ZNF804A: variants seen among roughly 807,000 people sequenced by gnomAD.
ZNF804A encodes zinc finger protein 804A.
A neutral mutation model predicts 16.5 loss-of-function variants in ZNF804A; 2 were observed. The ratio of observed to expected loss-of-function variants is 0.12; its 90% CI spans 0.05 to 0.38. The LOEUF is 0.38. Ranked by LOEUF, ZNF804A falls within the 10% of genes least tolerant of loss-of-function variation. The pLI, the probability that ZNF804A is intolerant of heterozygous loss-of-function variation, is 0.99. For synonymous variants in ZNF804A, 534 were observed against 489.6 expected, an observed-to-expected ratio of 1.09 and a Z score of -1.20; for missense variants, 1,473 against 1,390.7, an observed-to-expected ratio of 1.06 and a Z score of -0.94.
At chr2:184,657,891 G>A (rs1031593382) in intron 1 of ZNF804A, among the ~76,000 whole-genome samples, 1 of 152,192 alleles carries the variant, frequency 6.6e-6, no homozygotes, top group African/African-American at 2.4e-5. Flanking sequence ...GATAATTGGA[G>A]TATGGAGAAC....
In ZNF804A at chr2:184,937,064, A is replaced by C; in HGVS notation, c.1668A>C (p.Arg556Ser). Residue 556 changes from arginine (R) to serine (S), a missense_variant, in exon 4 of 4, where the codon AGA (arginine) becomes AGC (serine). Coordinates refer to ENST00000302277, the MANE Select transcript of ZNF804A (RefSeq NM_194250.2). ...ATAAAAACATTTCCTGTAAGATCAG[A>C]GAAACAGAAAAGTATAATTTTACTA... ...QRYKNISCKI[R>S]ETEKYNFTKS... 6.2e-7 allele frequency: 1 copy of C among 1,603,298 alleles called. No homozygotes were observed.
intron 1 of ZNF804A, among the ~76,000 whole-genome samples, chr2:184,702,592 C>A (rs1692937740): frequency 6.6e-6 from 1 of 151,906 alleles, no homozygotes; most frequent in African/African-American, 2.4e-5. Flanking sequence ...TTTTAACTAC[C>A]ACCTTGAAAC....
intron 1 of ZNF804A, among the ~76,000 whole-genome samples, chr2:184,719,842 CT>C (rs1374999221): frequency 1.3e-5 from 2 of 152,186 alleles, no homozygotes; most frequent in African/African-American, 4.8e-5. Context: ...TCTTCTGAGC[CT>C]TCCAAAATGT....
intron 2 of ZNF804A, among the ~76,000 whole-genome samples, chr2:184,903,084 A>T (rs1027529108): frequency 1.3e-5 from 2 of 152,144 alleles, no homozygotes; most frequent in Admixed American, 1.3e-4. Flanking sequence ...TTGTCTCAGT[A>T]ACACAGTAGA....
chr2:184,624,074 T>A (rs1691459081), intron 1 of ZNF804A, among the ~76,000 whole-genome samples: 1 of 152,184 alleles, frequency 6.6e-6, no homozygotes, highest in South Asian at 2.1e-4. Context: ...TCATAATTGA[T>A]TGACAAGGAT....
chr2:184,929,112 C>G (rs187665044), intron 2 of ZNF804A, among the ~76,000 whole-genome samples: 55 of 152,268 alleles, frequency 3.6e-4, no homozygotes, highest in African/African-American at 1.3e-3. Flanking sequence ...ATTCTACCAT[C>G]TAGCCTCTCC....
At chr2:184,610,501 G>A (rs1026026550) in intron 1 of ZNF804A, among the ~76,000 whole-genome samples, 1 of 151,908 alleles carries the variant, frequency 6.6e-6, no homozygotes, top group Non-Finnish European at 1.5e-5. Context: ...TGAGAAGTGT[G>A]TAGTGATTTT....
At chr2:184,642,831 A>G (rs1691814052) in intron 1 of ZNF804A, among the ~76,000 whole-genome samples, 1 of 152,196 alleles carries the variant, frequency 6.6e-6, no homozygotes, top group Admixed American at 6.5e-5. Context: ...GTATTCTAAT[A>G]AAGCTAGATT....
chr2:184,735,778 T>C (rs1693597953), intron 1 of ZNF804A, among the ~76,000 whole-genome samples: 1 of 152,184 alleles, frequency 6.6e-6, no homozygotes. Flanking sequence ...TTCATAGTTT[T>C]TATTCTTCAA....
rs1694398162 is a variant in ZNF804A at position 184,783,148 on chromosome 2, T to TTG, written c.112-83220_112-83219insGT. Among the ~76,000 whole-genome samples the TTG allele has an allele frequency of 4.5e-5, 6 of 132,836 alleles. No homozygotes were observed. The South Asian group carries it at 1.4e-3, about 32-fold the overall frequency. The allele number at this position is 132,836 out of a possible 152,430, so 87.1% of individuals were successfully genotyped here. On this transcript the variant is annotated intron_variant, in intron 1 of 3. Transcript: ENST00000302277. Reference sequence around the variant, plus strand: ...TATATAAAAGAGTGAGTTTTTTTTTTTTTTTTTTTTTTTTTAGGTAATACA... The same window carrying TTG: ...TATATAAAAGAGTGAGTTTTTTTTTTTGTTTTTTTTTTTTTTTAGGTAATACA...
intron 1 of ZNF804A, among the ~76,000 whole-genome samples, chr2:184,794,793 A>G (rs1558963692): frequency 6.6e-6 from 1 of 152,074 alleles, no homozygotes; most frequent in Non-Finnish European, 1.5e-5. Flanking sequence ...TATAAACTTA[A>G]GGTAAAGGGG....
chr2:184,810,246 T>C (rs1694870208), intron 1 of ZNF804A, among the ~76,000 whole-genome samples: 1 of 152,126 alleles, frequency 6.6e-6, no homozygotes, highest in East Asian at 1.9e-4. Flanking sequence ...TTTGCAATTT[T>C]TATAGAGAAT....
At chr2:184,855,814 A>C (rs1313360681) in intron 1 of ZNF804A, among the ~76,000 whole-genome samples, 1 of 152,014 alleles carries the variant, frequency 6.6e-6, no homozygotes, top group Non-Finnish European at 1.5e-5. Flanking sequence ...CTGTCATGTG[A>C]ATATGTTCAT....
At chr2:184,646,822 C>T (rs1172037647) in intron 1 of ZNF804A, among the ~76,000 whole-genome samples, 1 of 152,240 alleles carries the variant, frequency 6.6e-6, no homozygotes, top group Non-Finnish European at 1.5e-5. Flanking sequence ...ACTGTATTCT[C>T]CCTTTGGCAC....
chr2:184,625,928 G>T (rs1029404498), intron 1 of ZNF804A, among the ~76,000 whole-genome samples: 6 of 152,104 alleles, frequency 3.9e-5, no homozygotes, highest in Non-Finnish European at 8.8e-5. Context: ...GAGTGCAGTG[G>T]CATGATCTCT....
intron 1 of ZNF804A, among the ~76,000 whole-genome samples, chr2:184,778,522 A>T (rs763592981): frequency 2.6e-5 from 4 of 151,654 alleles, no homozygotes; most frequent in Non-Finnish European, 5.9e-5. Context: ...ATTTTCAGGG[A>T]ATGACTGCTA....
At chr2:184,849,700 GA>G (rs979748539) in intron 1 of ZNF804A, among the ~76,000 whole-genome samples, 1 of 151,894 alleles carries the variant, frequency 6.6e-6, no homozygotes, top group African/African-American at 2.4e-5. Flanking sequence ...GCTAAAAATA[GA>G]ACTACCATAT....
At chr2:184,792,935 C>A (rs780088843) in intron 1 of ZNF804A, among the ~76,000 whole-genome samples, 2 of 152,024 alleles carry the variant, frequency 1.3e-5, no homozygotes, top group African/African-American at 2.4e-5. Context: ...CTTCCCACCA[C>A]CCCCTAGCAG....
At chr2:184,627,822 G>C (rs1691530088) in intron 1 of ZNF804A, among the ~76,000 whole-genome samples, 1 of 152,120 alleles carries the variant, frequency 6.6e-6, no homozygotes, top group African/African-American at 2.4e-5. Context: ...TCGAAGTCTT[G>C]AGAACTGCCA....
Sources: allele counts gnomAD v4.1 joint callset (sites outside exome capture counted in the v4.1 genomes callset), GRCh38; gene constraint gnomAD v4.1.1; transcripts MANE v1.5; gene names NCBI Gene and HGNC (gene_info 2026-07-23, HGNC 2026-07-21).